NUDT18: variants seen among roughly 807,000 people sequenced by gnomAD.
NUDT18 encodes 8-oxo-dGDP phosphatase NUDT18.
A neutral mutation model predicts 27.6 loss-of-function variants in NUDT18; 26 were observed. That is an observed-to-expected ratio of 0.94 (90% confidence interval 0.69 to 1.31). NUDT18 has a LOEUF of 1.31. Ranked by LOEUF, NUDT18 falls within the 50% of genes most tolerant of loss-of-function variation. The pLI is 0.00. For synonymous variants in NUDT18, 220 were observed against 196.9 expected (o/e 1.12, Z -0.98); for missense variants, 450 against 433.4 (o/e 1.04, Z -0.34).
chr8:22,109,623 G>T (rs2131742641), upstream of NUDT18: 1 of 489,276 alleles, frequency 2.0e-6, no homozygotes, highest in South Asian at 1.6e-5. Flanking sequence ...AGTCCCGTGC[G>T]CTCGGGACGT....
chr8:22,108,691 G>A (rs951637643), intron 1 of NUDT18, among the ~76,000 whole-genome samples: 11 of 152,324 alleles, frequency 7.2e-5, no homozygotes, highest in Admixed American at 4.6e-4. Context: ...CGCCTCCAAC[G>A]GCGTGGTTTA....
chr8:22,110,241 A>T (rs1374270458), upstream of NUDT18, among the ~76,000 whole-genome samples: 1 of 152,062 alleles, frequency 6.6e-6, no homozygotes, highest in Non-Finnish European at 1.5e-5. Context: ...CCTTGTCGTC[A>T]CCCTCCCACC....
Position 22,107,642 on chromosome 8 carries a change from C to T in NUDT18, c.630G>A (p.Gly210=), listed in dbSNP as rs763982884. 6 of 1,612,914 alleles carry T rather than the reference C, an allele frequency of 3.7e-6. No individual in the cohort carries two copies. The Admixed American group carries it at 5.0e-5, about 13-fold the overall frequency. The change falls in exon 3 of 3, where the codon GGG becomes GGA. Residue 210 remains glycine, a synonymous_variant. Coordinates refer to ENST00000611621, the MANE Select transcript of NUDT18 (RefSeq NM_024815.4). ...AGGCAGTGACAGGCAAGTGAGGCAT[C>T]CCCACTGTGCCCACTAACACCCACA... ...QTVWVLVGTV[G]MPHLPVTACG...
intron 1 of NUDT18, among the ~76,000 whole-genome samples, chr8:22,108,780 G>T (rs1826412628): frequency 6.6e-6 from 1 of 152,218 alleles, no homozygotes; most frequent in South Asian, 2.1e-4. Context: ...CCCGCCCTAT[G>T]GCCCTGGCCC....
At position 22,107,278 on chromosome 8, in the gene NUDT18, C is replaced by T. The variant is rs1471957695; in HGVS notation, c.*22G>A. On this transcript the variant is annotated 3_prime_UTR_variant, in exon 3 of 3. Transcript: ENST00000611621. ...CTGGAGGGAGCACGGCTGCCTAGCT[C>T]CCTGTCACCTCCCCCACCTCTCTAT... 1.4e-5 allele frequency: 21 copies of T among 1,544,938 alleles called. No homozygotes were observed. The highest frequency in any genetic ancestry group is 1.8e-5 in the Non-Finnish European group (20 of 1,141,020).
rs557676432 is a variant in NUDT18 at position 22,107,661 on chromosome 8, A to T, written c.611T>A (p.Val204Glu). The T allele has an allele frequency of 1.2e-6, 2 of 1,612,344 alleles. No individual in the cohort carries two copies. The highest frequency in any genetic ancestry group is 2.2e-5 in the South Asian group (2 of 90,980). ...AGGCATCCCCACTGTGCCCACTAAC[A>T]CCCACACTGTCTGGGCGCTGGTAAA... ...ATFTSAQTVW[V>E]LVGTVGMPHL... Residue 204 changes from valine (V) to glutamate (E), a missense_variant, in exon 3 of 3, where the codon GTG becomes GAG. Coordinates refer to ENST00000611621, the MANE Select transcript of NUDT18 (RefSeq NM_024815.4).
rs1313885659 is a variant in NUDT18, at chr8:22,107,056, C to T, written c.*244G>A. On this transcript the variant is annotated 3_prime_UTR_variant, in exon 3 of 3. Transcript: ENST00000611621. The stretch of plus-strand genomic sequence containing the variant: ...AGCTCCCCATCCCCCTGGGAAGAGG[C>T]GTCAGCGTGCCCTCAGGGTAGTCAG... 8.4e-6 allele frequency: 4 copies of T among 473,500 alleles called. No individual in the cohort carries two copies. Among genetic ancestry groups the T allele is most frequent in the Admixed American group, 3.8e-5 (1 of 25,992 alleles). The allele number at this position is 473,500 out of a possible 1,614,324, so 29.3% of individuals were successfully genotyped here. A position where few individuals can be genotyped will look rare whatever the true frequency, so the allele number is the denominator to read the frequency against.
upstream of NUDT18, among the ~76,000 whole-genome samples, chr8:22,110,182 T>C (rs1826447612): frequency 6.6e-6 from 1 of 152,170 alleles, no homozygotes; most frequent in Non-Finnish European, 1.5e-5. Context: ...CCCTCTCTGC[T>C]GCAGATGGTG....
chr8:22,108,453 T>C, intron 1 of NUDT18, 107 bp from the exon 2 acceptor site: 3 of 965,618 alleles, frequency 3.1e-6, no homozygotes, highest in South Asian at 1.5e-5. Context: ...GTGGACACTC[T>C]CAACCCAGCT....
upstream of NUDT18, among the ~76,000 whole-genome samples, chr8:22,110,424 C>T (rs1446340856): frequency 6.6e-6 from 1 of 152,256 alleles, no homozygotes; most frequent in African/African-American, 2.4e-5. Flanking sequence ...CAGAGGCCAC[C>T]CCTTTCCTCT....
intron 1 of NUDT18, among the ~76,000 whole-genome samples, chr8:22,108,690 C>A (rs533245748): frequency 1.3e-5 from 2 of 152,358 alleles, no homozygotes; most frequent in African/African-American, 4.8e-5. Context: ...TCGCCTCCAA[C>A]GGCGTGGTTT....
At chr8:22,108,467 G>A (rs1222017348) in intron 1 of NUDT18, 121 bp from the exon 2 acceptor site, 2 of 802,462 alleles carry the variant, frequency 2.5e-6, no homozygotes, top group Non-Finnish European at 3.9e-6. Context: ...CCCAGCTAGC[G>A]CTCCAGGAGA....
chr8:22,109,206 G>A lies in NUDT18; in HGVS notation c.95C>T (p.Pro32Leu), dbSNP rs1244691245. Residue 32 changes from proline (P) to leucine (L), a missense_variant, in exon 1 of 3, where the codon CCG becomes CTG. By Grantham distance (98) the Pro-to-Leu change is moderately conservative (BLOSUM62 -3). Transcript: ENST00000611621. ...HSCDSAPAGE[P>L]PAPVRLRKNV... Reference sequence around the variant, plus strand: ...CTTCCGCAGCCGCACGGGCGCCGGCGGCTCCCCGGCCGGCGCCGAGTCGCA... The same window carrying A: ...CTTCCGCAGCCGCACGGGCGCCGGCAGCTCCCCGGCCGGCGCCGAGTCGCA... The A allele has an allele frequency of 7.6e-6, 11 of 1,444,384 alleles. No individual in the cohort carries two copies. Among genetic ancestry groups the A allele is most frequent in the East Asian group, 3.0e-5 (1 of 33,118 alleles). 89.5% of individuals were successfully genotyped at this position (1,444,384 alleles called of 1,614,324 possible). A position where few individuals can be genotyped will look rare whatever the true frequency, so the allele number is the denominator to read the frequency against.
chr8:22,109,082 C>A, intron 1 of NUDT18, 57 bp downstream of exon 1: 1 of 1,310,192 alleles, frequency 7.6e-7, no homozygotes, highest in South Asian at 1.9e-5. Context: ...TCTTCTGTCC[C>A]CACCTGGGCT....
chr8:22,109,670 C>G (rs1294434859), upstream of NUDT18: 1 of 466,474 alleles, frequency 2.1e-6, no homozygotes, highest in Admixed American at 2.3e-5. Flanking sequence ...TCCCCGAGCG[C>G]GCACTGGTCT....
Position 22,109,397 on chromosome 8 carries a change from G to GAGACCGCTCC in NUDT18, c.-98_-97insGGAGCGGTCT, listed in dbSNP as rs71204536. On this transcript the variant is annotated 5_prime_UTR_variant, in exon 1 of 3. Transcript: ENST00000611621. ...GCGGAGCCCGCTCCCAGTCCCTGCGGCAGCGGGCCGGGAGCTCACGAGAAC... is the reference window on the plus strand; with the variant it reads ...GCGGAGCCCGCTCCCAGTCCCTGCGGAGACCGCTCCCAGCGGGCCGGGAGCTCACGAGAAC... 2,676 of 1,169,334 alleles carry GAGACCGCTCC rather than the reference G, an allele frequency of 2.3e-3. 3 individuals are homozygous for GAGACCGCTCC. The highest frequency in any genetic ancestry group is 2.7e-3 in the Non-Finnish European group (2,470 of 901,352). The allele number at this position is 1,169,334 out of a possible 1,614,324, so 72.4% of individuals were successfully genotyped here. A position where few individuals can be genotyped will look rare whatever the true frequency, so the allele number is the denominator to read the frequency against.
At position 22,107,320 on chromosome 8, in the gene NUDT18, C is replaced by T. The variant is rs563765097; in HGVS notation, c.952G>A (p.Val318Ile). Residue 318 changes from valine to isoleucine, a missense_variant, in exon 3 of 3, where the codon GTT becomes ATT. Transcript: ENST00000611621. ...CCTCTCTATCTGTTCACTGGGACAA[C>T]AGAGGATCCCTGAAGCCGCTGGAGG... ...QLLQRLQGSS[V>I]VPVNR is the part of the protein sequence containing the mutation. The T allele has an allele frequency of 4.7e-5, 75 of 1,607,190 alleles. 1 individual carries two copies. The East Asian group carries it at 1.5e-3, about 32-fold the overall frequency.
upstream of NUDT18, among the ~76,000 whole-genome samples, chr8:22,110,163 A>T (rs1486442522): frequency 2.0e-5 from 3 of 152,150 alleles, no homozygotes; most frequent in Non-Finnish European, 4.4e-5. Context: ...TTTCCCACGC[A>T]GCTCAAGGCC....
rs1186700648 is a variant in NUDT18, at chr8:22,107,355, T to C, written c.917A>G (p.Gln306Arg). The change falls in exon 3 of 3, where the codon CAA (glutamine) becomes CGA (arginine). Residue 306 changes from glutamine (Q) to arginine (R), a missense_variant. Gln to Arg is a conservative substitution (Grantham distance 43). Coordinates refer to ENST00000611621, the MANE Select transcript of NUDT18 (RefSeq NM_024815.4). ...SWWKVMEEDLQSQLLQRLQGS... is the reference protein window; with the variant it reads ...SWWKVMEEDLRSQLLQRLQGS... Reference sequence around the variant, plus strand: ...CTGAAGCCGCTGGAGGAGCTGGCTTTGCAGGTCTTCCTCCATCACCTTCCA... The same window carrying C: ...CTGAAGCCGCTGGAGGAGCTGGCTTCGCAGGTCTTCCTCCATCACCTTCCA... 2.7e-5 allele frequency: 43 copies of C among 1,613,464 alleles called. No individual in the cohort carries two copies. Among genetic ancestry groups the C allele is most frequent in the Non-Finnish European group, 3.6e-5 (43 of 1,179,742 alleles).
Sources: gnomAD v4.1 joint callset for allele counts (sites outside exome capture counted in the v4.1 genomes callset) on GRCh38, gnomAD v4.1.1 for gene constraint, MANE v1.5 for transcripts, NCBI Gene and HGNC (gene_info 2026-07-23, HGNC 2026-07-21) for gene names.